The following SNTG1 variants were observed in gnomAD, a reference collection of about 807,000 sequenced individuals.
SNTG1 encodes the protein syntrophin gamma 1, also known as gamma-1-syntrophin.
A neutral mutation model predicts 74.7 loss-of-function variants in SNTG1; 39 were observed. The observed-to-expected ratio is 0.52, with a 90% CI of 0.40 to 0.68. SNTG1 has a LOEUF of 0.68. Ranked by LOEUF, SNTG1 falls within the 30% of genes least tolerant of loss-of-function variation. SNTG1 has a pLI of 0.00. For missense variants in SNTG1, 685 were observed against 609.5 expected, an observed-to-expected ratio of 1.12 and a Z score of -1.30; for synonymous variants, 254 against 217.1, an observed-to-expected ratio of 1.17 and a Z score of -1.49.
chr8:50,697,729 G>A (rs2095410087), intron 15 of SNTG1, among the ~76,000 whole-genome samples: 1 of 152,148 alleles, frequency 6.6e-6, no homozygotes, highest in African/African-American at 2.4e-5. Context: ...TTTAGGTAAT[G>A]TATGACATTT....
chr8:50,103,539 G>A (rs574420166), intron 1 of SNTG1, among the ~76,000 whole-genome samples: 13 of 152,172 alleles, frequency 8.5e-5, no homozygotes, highest in Middle Eastern at 3.4e-3. Context: ...TTTCGTAATC[G>A]AATACCCTTT....
At chr8:50,480,606 T>A (rs2093732290) in intron 8 of SNTG1, among the ~76,000 whole-genome samples, 1 of 152,142 alleles carries the variant, frequency 6.6e-6, no homozygotes, top group Non-Finnish European at 1.5e-5. Flanking sequence ...GGCGTGAAAA[T>A]GTTAACAACA....
chr8:50,237,725 T>A (rs974884794), intron 2 of SNTG1, among the ~76,000 whole-genome samples: 1 of 152,138 alleles, frequency 6.6e-6, no homozygotes, highest in Admixed American at 6.5e-5. Context: ...GCTAAAATAA[T>A]CTCAAATTTG....
chr8:50,479,197 T>G (rs1306677223), intron 8 of SNTG1, among the ~76,000 whole-genome samples: 1 of 152,128 alleles, frequency 6.6e-6, no homozygotes, highest in Non-Finnish European at 1.5e-5. Flanking sequence ...AGAAAGTAGT[T>G]TGGGGATGAT....
intron 2 of SNTG1, among the ~76,000 whole-genome samples, chr8:50,302,481 C>T (rs1007347413): frequency 1.1e-4 from 16 of 152,192 alleles, no homozygotes; most frequent in Non-Finnish European, 2.4e-4. Context: ...CTGCCAGTAT[C>T]CATGATCATC....
chr8:50,453,851 C>G (rs2093478249), intron 8 of SNTG1, among the ~76,000 whole-genome samples: 1 of 152,170 alleles, frequency 6.6e-6, no homozygotes, highest in African/African-American at 2.4e-5. Context: ...ACAGACAGAG[C>G]CAATGCTGCT....
At chr8:50,750,433 G>A (rs937817629) in intron 17 of SNTG1, among the ~76,000 whole-genome samples, 1 of 152,028 alleles carries the variant, frequency 6.6e-6, no homozygotes, top group Non-Finnish European at 1.5e-5. Flanking sequence ...AACAGCAGCA[G>A]GATTTGAGTG....
At chr8:50,439,268 T>C (rs78406148) in intron 5 of SNTG1, among the ~76,000 whole-genome samples, 4 of 152,170 alleles carry the variant, frequency 2.6e-5, no homozygotes, top group Admixed American at 2.0e-4. Flanking sequence ...GTTAATCTCA[T>C]GACTGCAATG....
rs369513135 is a variant in SNTG1, at chr8:50,271,518, T to C, written c.-28+98883T>C. 3.9e-5 allele frequency among the ~76,000 whole-genome samples: 6 copies of C among 152,220 alleles called. No homozygotes were observed. In the East Asian group the frequency reaches 9.6e-4, roughly 24 times the overall value. ...GGGCTGTAGCTTTTTAAGCTGTTTTTGTGGCTGATTAAATTTATAAGGTTT... is the reference window on the plus strand; with the variant it reads ...GGGCTGTAGCTTTTTAAGCTGTTTTCGTGGCTGATTAAATTTATAAGGTTT... On this transcript the variant is annotated intron_variant, in intron 2 of 18. Transcript: ENST00000642720.
chr8:50,160,414 C>T (rs1426081335), intron 1 of SNTG1, among the ~76,000 whole-genome samples: 2 of 152,072 alleles, frequency 1.3e-5, no homozygotes, highest in South Asian at 2.1e-4. Context: ...GAAACAGTTA[C>T]CTCTTTCCAA....
intron 13 of SNTG1, among the ~76,000 whole-genome samples, chr8:50,630,932 G>C (rs1314860128): frequency 6.6e-6 from 1 of 152,128 alleles, no homozygotes; most frequent in Non-Finnish European, 1.5e-5. Context: ...AACGTCTCTG[G>C]GTTTTATGAA....
chr8:50,076,503 C>T (rs1821905550), intron 1 of SNTG1, among the ~76,000 whole-genome samples: 1 of 152,018 alleles, frequency 6.6e-6, no homozygotes, highest in African/African-American at 2.4e-5. Flanking sequence ...AATTATATTA[C>T]CTTGATTACT....
intron 1 of SNTG1, among the ~76,000 whole-genome samples, chr8:50,073,595 A>G (rs1460701463): frequency 6.6e-6 from 1 of 152,166 alleles, no homozygotes; most frequent in Non-Finnish European, 1.5e-5. Context: ...TTACTTTGCC[A>G]AAATCCAGCA....
chr8:50,142,711 G>T (rs926246683), intron 1 of SNTG1, among the ~76,000 whole-genome samples: 7 of 152,160 alleles, frequency 4.6e-5, no homozygotes, highest in Admixed American at 3.9e-4. Flanking sequence ...TATGAATACA[G>T]GTTGATGGAT....
At chr8:50,506,693 C>A (rs2094009686) in intron 9 of SNTG1, among the ~76,000 whole-genome samples, 1 of 151,954 alleles carries the variant, frequency 6.6e-6, no homozygotes, top group Non-Finnish European at 1.5e-5. Flanking sequence ...TTTATTAGAT[C>A]TAACATTTTT....
intron 4 of SNTG1, among the ~76,000 whole-genome samples, chr8:50,429,942 C>G (rs73581358): frequency 6.6e-6 from 1 of 151,926 alleles, no homozygotes; most frequent in African/African-American, 2.4e-5. Flanking sequence ...GCTATAATCA[C>G]AAAGATAGAT....
intron 1 of SNTG1, among the ~76,000 whole-genome samples, chr8:50,016,574 A>G (rs559223567): frequency 3.4e-4 from 51 of 152,204 alleles, no homozygotes; most frequent in African/African-American, 1.2e-3. Flanking sequence ...CCACCACTGC[A>G]CTGTATGTTC....
chr8:50,065,547 A>C (rs903883242), intron 1 of SNTG1, among the ~76,000 whole-genome samples: 1 of 152,150 alleles, frequency 6.6e-6, no homozygotes, highest in Non-Finnish European at 1.5e-5. Flanking sequence ...ATTTGACTCT[A>C]TTATATTTTG....
chr8:49,970,738 C>G (rs1384261995), intron 1 of SNTG1, among the ~76,000 whole-genome samples: 1 of 152,110 alleles, frequency 6.6e-6, no homozygotes, highest in African/African-American at 2.4e-5. Context: ...GACTGGCAAA[C>G]CACTTATTTT....
Sources: allele counts gnomAD v4.1 joint callset (sites outside exome capture counted in the v4.1 genomes callset), GRCh38; gene constraint gnomAD v4.1.1; transcripts MANE v1.5; gene names NCBI Gene and HGNC (gene_info 2026-07-23, HGNC 2026-07-21).